The following DCC variants were observed in gnomAD, a reference collection of about 807,000 sequenced individuals.
DCC encodes the protein DCC netrin 1 receptor.
DCC carries 58 observed loss-of-function variants against 172.5 expected under a neutral mutation model. The observed-to-expected ratio is 0.34, with a 90% CI of 0.27 to 0.42. DCC has a LOEUF of 0.42. Among genes scored for constraint, DCC ranks in the 10% least tolerant of loss-of-function variants. DCC has a pLI of 1.00. For synonymous variants in DCC, 709 were observed against 644.5 expected, an observed-to-expected ratio of 1.10 and a Z score of -1.52; for missense variants, 1,740 against 1,791.0, an observed-to-expected ratio of 0.97 and a Z score of 0.51.
At chr18:52,804,620 G>T (rs1182298856) in intron 2 of DCC, among the ~76,000 whole-genome samples, 3 of 152,202 alleles carry the variant, frequency 2.0e-5, no homozygotes, top group African/African-American at 7.2e-5. Context: ...AGGCTGAAGT[G>T]CAGTGGTGCG....
chr18:52,484,901 C>A (rs992239586), intron 1 of DCC, among the ~76,000 whole-genome samples: 3 of 151,842 alleles, frequency 2.0e-5, no homozygotes, highest in Non-Finnish European at 2.9e-5. Flanking sequence ...TACCTAAGTG[C>A]CTAAAACTTT....
At chr18:52,998,286 C>T (rs1453603438) in intron 5 of DCC, among the ~76,000 whole-genome samples, 1 of 151,976 alleles carries the variant, frequency 6.6e-6, no homozygotes, top group African/African-American at 2.4e-5. Context: ...TCCCTGATCT[C>T]TCCATCCTCA....
chr18:52,932,923 A>C (rs1237519462), intron 5 of DCC, among the ~76,000 whole-genome samples: 2 of 152,096 alleles, frequency 1.3e-5, no homozygotes, highest in East Asian at 3.9e-4. Context: ...TGAGGTTCTG[A>C]TTCTGCAAAT....
chr18:52,821,252 G>A (rs751684752), intron 2 of DCC, among the ~76,000 whole-genome samples: 11 of 152,062 alleles, frequency 7.2e-5, no homozygotes, highest in Admixed American at 3.9e-4. Flanking sequence ...GTGGCACCAC[G>A]TTACTTCTAT....
chr18:52,568,642 C>A (rs921731), intron 1 of DCC, among the ~76,000 whole-genome samples: 2,552 of 152,000 alleles, frequency 0.017, 27 homozygotes, highest in South Asian at 0.026. Context: ...GAGTATAATT[C>A]TGTGAGTTTC....
intron 27 of DCC, among the ~76,000 whole-genome samples, chr18:53,510,271 A>T (rs545531930): frequency 6.6e-6 from 1 of 152,252 alleles, no homozygotes; most frequent in African/African-American, 2.4e-5. Context: ...CCATTCAGCC[A>T]GTGTCACCCC....
At chr18:52,578,313 C>T (rs546721228) in intron 1 of DCC, among the ~76,000 whole-genome samples, 1 of 152,252 alleles carries the variant, frequency 6.6e-6, no homozygotes, top group African/African-American at 2.4e-5. Flanking sequence ...GTCAGAGATT[C>T]AATTTTAGTT....
chr18:53,213,449 A>G lies in DCC; in HGVS notation c.1862-2099A>G, dbSNP rs367952509. 5.3e-5 allele frequency among the ~76,000 whole-genome samples: 8 copies of G among 152,022 alleles called. No homozygotes were observed. The South Asian group carries it at 1.0e-3, about 20-fold the overall frequency. On this transcript the variant is annotated intron_variant, in intron 11 of 28. Coordinates refer to ENST00000442544, the MANE Select transcript of DCC (RefSeq NM_005215.4). ...TGGATCACGAGGTCAGGAGTTTGAG[A>G]CCAGCCTGACCAACATGGTGAAACC...
intron 7 of DCC, among the ~76,000 whole-genome samples, chr18:53,136,207 ATC>A (rs1199399728): frequency 2.1e-5 from 3 of 144,912 alleles, no homozygotes; most frequent in Non-Finnish European, 4.5e-5. Context: ...CTATCTATCT[ATC>A]TATATATATA....
chr18:52,830,663 G>A (rs1202161861), intron 2 of DCC, among the ~76,000 whole-genome samples: 1 of 152,086 alleles, frequency 6.6e-6, no homozygotes. Context: ...TTGTTGACTG[G>A]TACAAAATGC....
At chr18:53,233,593 T>A (rs1211912056) in intron 12 of DCC, among the ~76,000 whole-genome samples, 1 of 152,010 alleles carries the variant, frequency 6.6e-6, no homozygotes, top group Non-Finnish European at 1.5e-5. Flanking sequence ...AACAGAAAAA[T>A]GATTTTCCTG....
At chr18:53,304,496 T>C (rs2144780551) in intron 12 of DCC, among the ~76,000 whole-genome samples, 1 of 152,276 alleles carries the variant, frequency 6.6e-6, no homozygotes, top group East Asian at 1.9e-4. Context: ...GTAGCTCATA[T>C]CTTTGATTTA....
chr18:53,323,991 G>A (rs1315850925), intron 14 of DCC, among the ~76,000 whole-genome samples: 1 of 152,156 alleles, frequency 6.6e-6, no homozygotes, highest in African/African-American at 2.4e-5. Flanking sequence ...GTCTAAGGAT[G>A]TCTAAGTCAA....
intron 21 of DCC, among the ~76,000 whole-genome samples, chr18:53,427,548 T>G (rs11663510): frequency 0.43 from 65,526 of 151,632 alleles, 15,947 homozygotes; most frequent in Non-Finnish European, 0.56. Context: ...TGACAAGTTA[T>G]CAGCAGCCGG....
chr18:53,339,879 G>A lies in DCC; in HGVS notation c.2331G>A (p.Lys777=), dbSNP rs1244497389. 3 of 1,613,678 alleles carry A rather than the reference G, an allele frequency of 1.9e-6. No homozygotes were observed. Among genetic ancestry groups the A allele is most frequent in the Non-Finnish European group, 2.5e-6 (3 of 1,179,828 alleles). ...PYAETVRVDS[K]QRYYSIERLE... ...CTGAGACAGTGCGTGTGGACAGCAAGCAGCGATATTATTCCATTGAGAGGT... is the reference window on the plus strand; with the variant it reads ...CTGAGACAGTGCGTGTGGACAGCAAACAGCGATATTATTCCATTGAGAGGT... The change falls in exon 15 of 29, where the codon AAG becomes AAA. Residue 777 remains lysine (K), a synonymous_variant. Coordinates refer to ENST00000442544, the MANE Select transcript of DCC (RefSeq NM_005215.4).
At position 52,581,187 on chromosome 18, in the gene DCC, T is replaced by TTATCTATCTATC. The variant is rs74178674; in HGVS notation, c.92-170856_92-170845dup. On this transcript the variant is annotated intron_variant, in intron 1 of 28. Transcript: ENST00000442544. ...AAACATCTCTTTCTATCTATATATC[T>TTATCTATCTATC]TATCTATCTATCTATCTATCTAAAT... is the stretch of plus-strand genomic sequence containing the variant. 8.5e-3 allele frequency among the ~76,000 whole-genome samples: 1,248 copies of TTATCTATCTATC among 146,546 alleles called. 12 individuals are homozygous for TTATCTATCTATC. Among genetic ancestry groups the TTATCTATCTATC allele is most frequent in the African/African-American group, 0.027 (1,069 of 39,744 alleles).
intron 1 of DCC, among the ~76,000 whole-genome samples, chr18:52,600,714 G>T: frequency 9.1e-6 from 1 of 110,334 alleles, no homozygotes; most frequent in Middle Eastern, 4.7e-3. Context: ...AAAATTTTGC[G>T]CATTGTTGTT....
intron 15 of DCC, among the ~76,000 whole-genome samples, chr18:53,360,311 T>A (rs866512577): frequency 2.0e-5 from 3 of 152,280 alleles, no homozygotes; most frequent in Non-Finnish European, 2.9e-5. Context: ...TCTAGCAATG[T>A]CTATTCTGAA....
chr18:53,135,905 G>A (rs1251528867), intron 7 of DCC, among the ~76,000 whole-genome samples: 1 of 152,144 alleles, frequency 6.6e-6, no homozygotes, highest in Non-Finnish European at 1.5e-5. Flanking sequence ...CTAAGACAGA[G>A]CCATAGCAAG....
Sources: allele counts gnomAD v4.1 joint callset (sites outside exome capture counted in the v4.1 genomes callset), GRCh38; gene constraint gnomAD v4.1.1; transcripts MANE v1.5; gene names NCBI Gene and HGNC (gene_info 2026-07-23, HGNC 2026-07-21).